TMCO5A: variants seen among roughly 807,000 people sequenced by gnomAD.
TMCO5A encodes transmembrane and coiled-coil domains 5A, also known as transmembrane and coiled-coil domain-containing protein 5A.
A neutral mutation model predicts 42.3 loss-of-function variants in TMCO5A; 34 were observed. The observed-to-expected ratio is 0.80, with a 90% confidence interval of 0.61 to 1.07. The LOEUF (loss-of-function observed/expected upper bound fraction) is 1.07. Ranked by LOEUF, TMCO5A falls within the 50% of genes least tolerant of loss-of-function variation. The probability of loss-of-function intolerance (pLI) is 0.00; values close to 1 mark genes in which losing one functional copy is unlikely to be tolerated. For missense variants in TMCO5A, 357 were observed against 327.9 expected (o/e 1.09, Z -0.69); for synonymous variants, 131 against 115.6 (o/e 1.13, Z -0.86).
At chr15:37,936,158 A>G (rs1889502348) in intron 2 of TMCO5A, 156 bp from the exon 3 acceptor site, 3 of 827,592 alleles carry the variant, frequency 3.6e-6, no homozygotes. Flanking sequence ...GTTGTAGAGC[A>G]TGATCAAGAA....
the TMCO5A span, chr15:37,993,370 T>TG: frequency 1.2e-3 from 156 of 133,114 alleles, 1 homozygote; most frequent in African/African-American, 6.0e-3. Context: ...TTTGCTAATT[T>TG]GGGTTTTTTT....
intron 9 of TMCO5A, 124 bp from the exon 10 acceptor site, chr15:37,943,217 G>A: frequency 1.3e-6 from 1 of 764,022 alleles, no homozygotes; most frequent in Non-Finnish European, 2.0e-6. Flanking sequence ...GCTATAGGTA[G>A]ACAGTAGTTA....
At chr15:37,993,414 G>A in the TMCO5A span, 1 of 151,766 alleles carries the variant, frequency 6.6e-6, no homozygotes, top group African/African-American at 2.4e-5. Context: ...TGTCTGCGAG[G>A]GATGAGCCTG....
chr15:38,002,208 GT>G, the TMCO5A span, among the ~76,000 whole-genome samples: 150 of 145,160 alleles, frequency 1.0e-3, no homozygotes, highest in Admixed American at 3.2e-3. Flanking sequence ...AGGATAAAAG[GT>G]TTTTTTTTTT....
chr15:37,978,437 C>T, the TMCO5A span, among the ~76,000 whole-genome samples: 2 of 152,204 alleles, frequency 1.3e-5, no homozygotes, highest in Non-Finnish European at 2.9e-5. Flanking sequence ...TGCTCTGTGG[C>T]CCTCAGCCGA....
chr15:38,036,379 C>T, the TMCO5A span, among the ~76,000 whole-genome samples: 1 of 152,008 alleles, frequency 6.6e-6, no homozygotes, highest in African/African-American at 2.4e-5. Context: ...CCTATTGGTA[C>T]AAAATCAAGT....
intron 11 of TMCO5A, among the ~76,000 whole-genome samples, chr15:37,962,028 A>AT (rs1890441130): frequency 6.6e-6 from 1 of 151,756 alleles, no homozygotes; most frequent in Non-Finnish European, 1.5e-5. Flanking sequence ...GGTGCCCTTT[A>AT]TTTTTTTCTC....
chr15:37,992,232 C>G, the TMCO5A span, among the ~76,000 whole-genome samples: 2 of 152,098 alleles, frequency 1.3e-5, no homozygotes, highest in Admixed American at 6.6e-5. Flanking sequence ...ATGCGGCCAA[C>G]AAGTGTATTT....
In TMCO5A at chr15:37,937,336, T is replaced by G. The variant is rs761212104; in HGVS notation, c.265-10T>G. 6.2e-7 allele frequency: 1 copy of G among 1,612,956 alleles called. No homozygotes were observed. The highest frequency in any genetic ancestry group is 1.1e-5 in the South Asian group (1 of 91,052). ...AGAGGCAGATTTACACTGTTATTTC[T>G]CTCTCACAGGAAAGGAAGAATAAGA... On this transcript the variant is annotated splice_polypyrimidine_tract_variant and intron_variant, in intron 4 of 11. Transcript: ENST00000319669.
chr15:38,038,443 C>T, the TMCO5A span, among the ~76,000 whole-genome samples: 17 of 146,284 alleles, frequency 1.2e-4, no homozygotes, highest in Admixed American at 2.8e-4. Flanking sequence ...CTCGCTTTGT[C>T]GCCCAGGCTG....
chr15:37,963,909 A>AT (rs1890492312), intron 11 of TMCO5A, among the ~76,000 whole-genome samples: 1 of 151,854 alleles, frequency 6.6e-6, no homozygotes, highest in South Asian at 2.1e-4. Context: ...TTCTTGTTTC[A>AT]TTTTTTGGAT....
At chr15:38,032,966 C>T in the TMCO5A span, among the ~76,000 whole-genome samples, 9 of 140,110 alleles carry the variant, frequency 6.4e-5, no homozygotes, top group African/African-American at 1.9e-4. Context: ...CTCGCCTTGT[C>T]GCCCAGGCTG....
At chr15:37,995,230 G>GT in the TMCO5A span, among the ~76,000 whole-genome samples, 1 of 151,606 alleles carries the variant, frequency 6.6e-6, no homozygotes, top group African/African-American at 2.4e-5. Context: ...CACTACAGAG[G>GT]TAAAAAAAAA....
chr15:38,009,413 C>CTAGG, the TMCO5A span, among the ~76,000 whole-genome samples: 284 of 152,252 alleles, frequency 1.9e-3, 1 homozygote, highest in African/African-American at 6.4e-3. Flanking sequence ...ATGTGCTTGT[C>CTAGG]TAGGATTCAT....
the TMCO5A span, among the ~76,000 whole-genome samples, chr15:37,974,478 A>G: frequency 6.6e-6 from 1 of 152,092 alleles, no homozygotes; most frequent in Non-Finnish European, 1.5e-5. Context: ...TCCTGGTTCA[A>G]ACTTGGGAGG....
chr15:37,942,046 G>A, intron 8 of TMCO5A, 145 bp from the exon 9 acceptor site: 1 of 737,490 alleles, frequency 1.4e-6, no homozygotes, highest in South Asian at 1.8e-5. Context: ...AGAGTAGTAG[G>A]GGGGTGAGTT....
At chr15:37,987,068 A>C in the TMCO5A span, among the ~76,000 whole-genome samples, 1 of 152,006 alleles carries the variant, frequency 6.6e-6, no homozygotes, top group Non-Finnish European at 1.5e-5. Flanking sequence ...TCATCAACAT[A>C]CATTTTTTGT....
the TMCO5A span, among the ~76,000 whole-genome samples, chr15:38,030,815 T>C: frequency 6.6e-6 from 1 of 152,186 alleles, no homozygotes; most frequent in African/African-American, 2.4e-5. Flanking sequence ...CACTCATCCT[T>C]TGGGTCCCTG....
At chr15:37,968,743 C>A (rs57903715), downstream of TMCO5A, among the ~76,000 whole-genome samples, 160 of 152,062 alleles carry the variant, frequency 1.1e-3, no homozygotes, top group Admixed American at 2.1e-3. Context: ...CCACCACGCC[C>A]GGCTAATTTT....
Sources: allele counts gnomAD v4.1 joint callset (sites outside exome capture counted in the v4.1 genomes callset), GRCh38; gene constraint gnomAD v4.1.1; transcripts MANE v1.5; gene names NCBI Gene and HGNC (gene_info 2026-07-23, HGNC 2026-07-21).